ANKRD55: variants seen among roughly 807,000 people sequenced by gnomAD.
The protein encoded by ANKRD55 is ankyrin repeat domain 55, also known as ankyrin repeat domain-containing protein 55.
Under a neutral mutation model 60.6 loss-of-function variants are expected in ANKRD55, and 41 were observed. The ratio of observed to expected loss-of-function variants is 0.68; its 90% CI spans 0.53 to 0.88. The LOEUF (loss-of-function observed/expected upper bound fraction) is 0.88. Ranked by LOEUF, ANKRD55 falls within the 40% of genes least tolerant of loss-of-function variation. The pLI, the probability that ANKRD55 is intolerant of heterozygous loss-of-function variation, is 0.00. For missense variants in ANKRD55, 732 were observed against 767.6 expected, an observed-to-expected ratio of 0.95 and a Z score of 0.55; for synonymous variants, 264 against 290.3, an observed-to-expected ratio of 0.91 and a Z score of 0.92.
intron 2 of ANKRD55, among the ~76,000 whole-genome samples, chr5:56,198,664 C>T (rs1759282758): frequency 6.6e-6 from 1 of 152,164 alleles, no homozygotes; most frequent in Non-Finnish European, 1.5e-5. Context: ...AAAACCAAAA[C>T]CCATTTGCTT....
At chr5:56,198,070 C>T (rs771872870) in intron 2 of ANKRD55, among the ~76,000 whole-genome samples, 1 of 152,052 alleles carries the variant, frequency 6.6e-6, no homozygotes, top group Non-Finnish European at 1.5e-5. Context: ...ATTACTAATT[C>T]CCATTTTCTA....
chr5:56,231,056 C>T (rs747127274), intron 2 of ANKRD55, among the ~76,000 whole-genome samples: 4 of 152,086 alleles, frequency 2.6e-5, no homozygotes, highest in Non-Finnish European at 5.9e-5. Context: ...AAACTAAGGC[C>T]CAGAGAGGTT....
intron 2 of ANKRD55, among the ~76,000 whole-genome samples, chr5:56,213,386 A>G (rs1759723909): frequency 6.6e-6 from 1 of 152,182 alleles, no homozygotes; most frequent in Non-Finnish European, 1.5e-5. Flanking sequence ...TGGACCACTG[A>G]AGGTAGGAGC....
intron 2 of ANKRD55, among the ~76,000 whole-genome samples, chr5:56,198,761 ATGTTACCTCTGT>A (rs1759285159): frequency 6.6e-6 from 1 of 150,938 alleles, no homozygotes; most frequent in Non-Finnish European, 1.5e-5. Flanking sequence ...CTAAATGTTA[ATGTTACCTCTGT>A]TGATTTAAAA....
intron 6 of ANKRD55, among the ~76,000 whole-genome samples, chr5:56,146,435 C>T (rs1475611093): frequency 6.6e-6 from 1 of 152,064 alleles, no homozygotes; most frequent in Non-Finnish European, 1.5e-5. Flanking sequence ...CAGGTGCCCG[C>T]CACCACGCCT....
chr5:56,115,570 C>T (rs1198035937), intron 9 of ANKRD55, among the ~76,000 whole-genome samples: 6 of 151,948 alleles, frequency 3.9e-5, no homozygotes, highest in Non-Finnish European at 8.8e-5. Context: ...GATCTACCCG[C>T]CTCAACTTCC....
intron 9 of ANKRD55, 75 bp from the exon 10 acceptor site, chr5:56,111,857 C>G: frequency 1.5e-6 from 2 of 1,325,872 alleles, no homozygotes; most frequent in South Asian, 4.5e-5. Context: ...AATACCGACC[C>G]CCTATTCCAC....
At chr5:56,178,700 T>C (rs1342244305) in intron 3 of ANKRD55, among the ~76,000 whole-genome samples, 2 of 151,992 alleles carry the variant, frequency 1.3e-5, no homozygotes, top group Non-Finnish European at 2.9e-5. Context: ...TAAAACTTAC[T>C]GGGTGACATA....
chr5:56,213,698 G>A (rs1165369751), intron 2 of ANKRD55, among the ~76,000 whole-genome samples: 1 of 152,158 alleles, frequency 6.6e-6, no homozygotes, highest in Non-Finnish European at 1.5e-5. Flanking sequence ...GCTGGCTTAC[G>A]AGCAAAGGGA....
intron 2 of ANKRD55, among the ~76,000 whole-genome samples, chr5:56,200,867 T>A (rs2111857578): frequency 6.6e-6 from 1 of 152,314 alleles, no homozygotes; most frequent in East Asian, 1.9e-4. Context: ...TCACCAATGA[T>A]GTCTGGATTC....
At chr5:56,146,315 C>T (rs1303206581) in intron 6 of ANKRD55, among the ~76,000 whole-genome samples, 11 of 148,420 alleles carry the variant, frequency 7.4e-5, no homozygotes, top group East Asian at 2.0e-4. Context: ...GATGGAGTTT[C>T]GCTCTGTCGC....
intron 6 of ANKRD55, among the ~76,000 whole-genome samples, chr5:56,144,844 G>C (rs146122706): frequency 6.6e-6 from 1 of 152,150 alleles, no homozygotes; most frequent in Non-Finnish European, 1.5e-5. Flanking sequence ...TTATCTGAAC[G>C]TATATATGAT....
At chr5:56,103,883 TTAA>T (rs1756366407) in intron 10 of ANKRD55, among the ~76,000 whole-genome samples, 1 of 152,216 alleles carries the variant, frequency 6.6e-6, no homozygotes, top group African/African-American at 2.4e-5. Context: ...TTGCATCTGT[TTAA>T]GTGAATCTCA....
chr5:56,193,165 T>A, intron 2 of ANKRD55: 1 of 689,086 alleles, frequency 1.5e-6, no homozygotes, highest in Non-Finnish European at 2.4e-6. Context: ...AACAGGGCTG[T>A]ATGAGTGGAG....
At chr5:56,143,290 T>C (rs1757816869) in intron 7 of ANKRD55, among the ~76,000 whole-genome samples, 1 of 152,248 alleles carries the variant, frequency 6.6e-6, no homozygotes, top group African/African-American at 2.4e-5. Flanking sequence ...TTGCCCTCTC[T>C]GGACAATAGA....
At chr5:56,188,667 T>C (rs1448076571) in intron 2 of ANKRD55, among the ~76,000 whole-genome samples, 2 of 152,226 alleles carry the variant, frequency 1.3e-5, no homozygotes, top group Non-Finnish European at 2.9e-5. Flanking sequence ...TTCTGTTCCA[T>C]TGGTCTACGT....
rs371695177 is a variant in ANKRD55, at chr5:56,134,504, G to A, written c.613-7398C>T. Among the ~76,000 whole-genome samples, 57 of 54,790 alleles carry A rather than the reference G, an allele frequency of 1.0e-3. 10 individuals carry two copies. The highest frequency in any genetic ancestry group is 2.6e-3 in the African/African-American group (54 of 20,830). 35.9% of individuals were successfully genotyped at this position (54,790 alleles called of 152,430 possible). A position where few individuals can be genotyped will look rare whatever the true frequency, so the allele number is the denominator to read the frequency against. On this transcript the variant is annotated intron_variant, in intron 7 of 11. Transcript: ENST00000341048. ...TGGGGCAAGAGAATTGCTTGAACCC[G>A]GGAGTTGGAGGTTGCAGTGAGCCGA...
intron 2 of ANKRD55, among the ~76,000 whole-genome samples, chr5:56,215,629 G>T (rs924694888): frequency 3.3e-5 from 5 of 152,204 alleles, no homozygotes; most frequent in Admixed American, 1.3e-4. Context: ...GTATATCTTG[G>T]TATGAAGAGG....
At chr5:56,194,929 T>C (rs542121603) in intron 2 of ANKRD55, among the ~76,000 whole-genome samples, 63 of 152,356 alleles carry the variant, frequency 4.1e-4, no homozygotes, top group African/African-American at 1.5e-3. Context: ...AACGTGTTTG[T>C]GCCTTTCATA....
Sources: gnomAD v4.1 joint callset for allele counts (sites outside exome capture counted in the v4.1 genomes callset) on GRCh38, gnomAD v4.1.1 for gene constraint, MANE v1.5 for transcripts, NCBI Gene and HGNC (gene_info 2026-07-23, HGNC 2026-07-21) for gene names.